ATP11A: variants seen among roughly 807,000 people sequenced by gnomAD.
The protein encoded by ATP11A is phospholipid-transporting ATPase IH.
A neutral mutation model predicts 154.4 loss-of-function variants in ATP11A; 81 were observed. That is an observed-to-expected ratio of 0.52 (90% CI 0.44 to 0.63). ATP11A has a LOEUF of 0.63. Among genes scored for constraint, ATP11A ranks in the 30% least tolerant of loss-of-function variants. The pLI is 0.00. For missense variants in ATP11A, 1,316 were observed against 1,474.3 expected (o/e 0.89, Z 1.76); for synonymous variants, 623 against 585.9 (o/e 1.06, Z -0.91).
intron 1 of ATP11A, among the ~76,000 whole-genome samples, chr13:112,715,357 TACACCTGGCCCACCTCCCC>T (rs1888301791): frequency 7.0e-5 from 2 of 28,498 alleles, no homozygotes; most frequent in Non-Finnish European, 2.0e-4. Context: ...GCCAATCCCC[TACACCTGGCCCACCTCCCC>T]ACACCTGGCC....
intron 2 of ATP11A, among the ~76,000 whole-genome samples, chr13:112,791,290 C>T (rs777633517): frequency 3.3e-5 from 5 of 152,264 alleles, no homozygotes; most frequent in Admixed American, 3.3e-4. Flanking sequence ...ACCGCGGCGC[C>T]CCCTGCACAG....
intron 25 of ATP11A, among the ~76,000 whole-genome samples, chr13:112,868,486 T>C (rs1221338986): frequency 6.6e-6 from 1 of 152,212 alleles, no homozygotes; most frequent in African/African-American, 2.4e-5. Context: ...GCAGATCTGC[T>C]GAAGGAGTGA....
chr13:112,804,723 C>G (rs2078275981), intron 2 of ATP11A, among the ~76,000 whole-genome samples: 1 of 151,932 alleles, frequency 6.6e-6, no homozygotes, highest in Non-Finnish European at 1.5e-5. Context: ...AGCTACCTTG[C>G]GTTTTATCTT....
intron 24 of ATP11A, chr13:112,860,826 G>A (rs185914569): frequency 3.4e-4 from 52 of 155,064 alleles, no homozygotes; most frequent in East Asian, 7.6e-4. Flanking sequence ...TTTTCTCCCC[G>A]TTATTTTTTA....
At chr13:112,872,566 G>A (rs1266656914) in intron 26 of ATP11A, among the ~76,000 whole-genome samples, 14 of 152,200 alleles carry the variant, frequency 9.2e-5, no homozygotes, top group South Asian at 2.1e-4. Context: ...AGCCAAGATC[G>A]CACCACTGCA....
rs1555329365 is a variant in ATP11A at position 112,805,688 on chromosome 13, AAG to A, written c.253-521_253-520del. On this transcript the variant is annotated intron_variant, in intron 3 of 29. Coordinates refer to ENST00000375645, the MANE Select transcript of ATP11A (RefSeq NM_015205.3). Reference sequence around the variant, plus strand: ...AGACTGTCTCAAAAAAAAAAAAAAAAAGAGAAAGAAAAAGAAAGAAAGAAAAT... The same window carrying A: ...AGACTGTCTCAAAAAAAAAAAAAAAAAGAAAGAAAAAGAAAGAAAGAAAAT... Among the ~76,000 whole-genome samples, 26 of 151,676 alleles carry A rather than the reference AAG, an allele frequency of 1.7e-4. No individual in the cohort carries two copies. In the East Asian group the frequency reaches 3.7e-3, roughly 21 times the overall value.
chr13:112,860,439 C>G, intron 24 of ATP11A, 25 bp downstream of exon 24: 1 of 1,613,638 alleles, frequency 6.2e-7, no homozygotes, highest in Non-Finnish European at 8.5e-7. Context: ...ACAGCCTCTC[C>G]TGAGAGCAGA....
At chr13:112,858,997 G>A (rs970554553) in intron 22 of ATP11A, 25 of 273,056 alleles carry the variant, frequency 9.2e-5, no homozygotes, top group African/African-American at 2.2e-4. Context: ...CTGCCGTGCC[G>A]CGGGAGGAGA....
At chr13:112,853,254 A>C (rs1240437050) in intron 18 of ATP11A, among the ~76,000 whole-genome samples, 11 of 151,866 alleles carry the variant, frequency 7.2e-5, no homozygotes, top group African/African-American at 2.7e-4. Context: ...CTCTATATAT[A>C]TATATATGCA....
chr13:112,875,761 T>C lies in ATP11A; in HGVS notation c.3162-15T>C, dbSNP rs1331801763. 6.2e-7 allele frequency: 1 copy of C among 1,610,460 alleles called. No homozygotes were observed. Among genetic ancestry groups the C allele is most frequent in the Non-Finnish European group, 8.5e-7 (1 of 1,177,342 alleles). On this transcript the variant is annotated splice_polypyrimidine_tract_variant and intron_variant, in intron 27 of 29. Coordinates refer to ENST00000375645, the MANE Select transcript of ATP11A (RefSeq NM_015205.3). This position sits in a 1 kb window ranked among gnomAD's most constrained non-coding sequence, Gnocchi z 4.1. ...GTACATGCCTCACCAGCGGCTTCTCTTCCCTGCCCCTCAGGCCGTTCCTCA... is the reference window on the plus strand; with the variant it reads ...GTACATGCCTCACCAGCGGCTTCTCCTCCCTGCCCCTCAGGCCGTTCCTCA...
intron 1 of ATP11A, among the ~76,000 whole-genome samples, chr13:112,750,887 T>C (rs981274297): frequency 6.6e-6 from 1 of 152,242 alleles, no homozygotes; most frequent in Non-Finnish European, 1.5e-5. Context: ...GATATTTTTA[T>C]TTATCATTAT....
rs149102758 is a variant in ATP11A, at chr13:112,879,864, A to T, written c.*9+1561A>T. ...AAAAGAAAAGCATCACAGGCCTCAG[A>T]TGTATATGTTATATATGTGCGATTT... is the stretch of plus-strand genomic sequence containing the variant. On this transcript the variant is annotated intron_variant, in intron 29 of 29. Coordinates refer to ENST00000375645, the MANE Select transcript of ATP11A (RefSeq NM_015205.3). Among the ~76,000 whole-genome samples the T allele has an allele frequency of 5.4e-3, 815 of 152,278 alleles. 7 individuals carry two copies. Among genetic ancestry groups the T allele is most frequent in the Non-Finnish European group, 9.5e-3 (644 of 68,020 alleles).
intron 1 of ATP11A, among the ~76,000 whole-genome samples, chr13:112,740,244 A>C (rs1891419338): frequency 6.6e-6 from 1 of 151,592 alleles, no homozygotes; most frequent in African/African-American, 2.4e-5. Context: ...GAATGGTGCT[A>C]TCTCGGCTCA....
chr13:112,860,680 T>C (rs2080075079), intron 24 of ATP11A: 1 of 343,164 alleles, frequency 2.9e-6, no homozygotes, highest in South Asian at 5.9e-5. Flanking sequence ...TTTCTGACAG[T>C]CCTGAGGGAG....
chr13:112,730,594 C>T (rs563261918), intron 1 of ATP11A, among the ~76,000 whole-genome samples: 3 of 152,342 alleles, frequency 2.0e-5, no homozygotes, highest in Non-Finnish European at 2.9e-5. Flanking sequence ...TGCGCAGGTG[C>T]GGGAGGATGG....
chr13:112,826,738 T>C lies in ATP11A; in HGVS notation c.1068T>C (p.Phe356=), dbSNP rs1191802574. 1 of 1,614,078 alleles carries C rather than the reference T, an allele frequency of 6.2e-7. No individual in the cohort carries two copies. The highest frequency in any genetic ancestry group is 8.5e-7 in the Non-Finnish European group (1 of 1,180,040). ...ACTTCCTGGCCTTCATGGTCCTCTT[T>C]AACTACATCATCCCTGTGTCCATGT... ...FTDFLAFMVL[F]NYIIPVSMYV... Residue 356 remains phenylalanine (F), a synonymous_variant, in exon 12 of 30, where the codon TTT becomes TTC. Coordinates refer to ENST00000375645, the MANE Select transcript of ATP11A (RefSeq NM_015205.3).
In ATP11A at chr13:112,882,599, G is replaced by A. The variant is rs2080911088; in HGVS notation, c.*733G>A. On this transcript the variant is annotated 3_prime_UTR_variant, in exon 30 of 30. Transcript: ENST00000375645. The surrounding 1 kb of genome is among the most constrained non-coding windows in gnomAD (Gnocchi z 5.1). ...GGTTACGTCCAAGCCCGCCTGCCCT[G>A]TGTGTTGGGGCTGGCTGAGTTTCGG... 1 of 404,322 alleles carries A rather than the reference G, an allele frequency of 2.5e-6. No individual in the cohort carries two copies. Among genetic ancestry groups the A allele is most frequent in the East Asian group, 3.5e-5 (1 of 28,182 alleles). The allele number at this position is 404,322 out of a possible 1,614,324, so 25.0% of individuals were successfully genotyped here. A position where few individuals can be genotyped will look rare whatever the true frequency, so the allele number is the denominator to read the frequency against.
Position 112,690,440 on chromosome 13 carries a change from G to T in ATP11A, c.24G>T (p.Thr8=). Residue 8 remains threonine (T), a synonymous_variant, in exon 1 of 30, where the codon ACG becomes ACT. Coordinates refer to ENST00000375645, the MANE Select transcript of ATP11A (RefSeq NM_015205.3). This position sits in a 1 kb window ranked among gnomAD's most constrained non-coding sequence, Gnocchi z 5.6. The stretch of plus-strand genomic sequence containing the variant: ...CCATGGACTGCAGCCTCGTGCGGAC[G>T]CTCGTGCACAGATACGTGAGTGCTC... MDCSLVR[T]LVHRYCAGEE... 1 of 1,344,096 alleles carries T rather than the reference G, an allele frequency of 7.4e-7. No individual in the cohort carries two copies. Among genetic ancestry groups the T allele is most frequent in the African/African-American group, 1.5e-5 (1 of 67,194 alleles). 83.3% of individuals were successfully genotyped at this position (1,344,096 alleles called of 1,614,324 possible). A position where few individuals can be genotyped will look rare whatever the true frequency, so the allele number is the denominator to read the frequency against.
At chr13:112,846,369 G>A (rs2079607384) in intron 17 of ATP11A, among the ~76,000 whole-genome samples, 1 of 152,086 alleles carries the variant, frequency 6.6e-6, no homozygotes. Flanking sequence ...CTGTTGCCAT[G>A]TCACGAGTTT....
Sources: allele counts gnomAD v4.1 joint callset (sites outside exome capture counted in the v4.1 genomes callset), GRCh38; gene constraint gnomAD v4.1.1; non-coding constraint Gnocchi (gnomAD v3.1); transcripts MANE v1.5; gene names NCBI Gene and HGNC (gene_info 2026-07-23, HGNC 2026-07-21).